Variants in PDLIM5 observed in about 807,000 individuals in gnomAD.
PDLIM5 encodes the protein PDZ and LIM domain protein 5.
Under a neutral mutation model 64.2 loss-of-function variants are expected in PDLIM5, and 34 were observed. The observed-to-expected ratio is 0.53, with a 90% CI of 0.40 to 0.71. The LOEUF is 0.71. PDLIM5 is among the 30% of genes least tolerant of loss of function. The probability of loss-of-function intolerance (pLI) is 0.00; values close to 1 mark genes in which losing one functional copy is unlikely to be tolerated. For synonymous variants in PDLIM5, 253 were observed against 269.1 expected, an observed-to-expected ratio of 0.94 and a Z score of 0.59; for missense variants, 683 against 733.6, an observed-to-expected ratio of 0.93 and a Z score of 0.80.
At chr4:94,545,309 T>C (rs1732211912) in intron 3 of PDLIM5, among the ~76,000 whole-genome samples, 1 of 152,256 alleles carries the variant, frequency 6.6e-6, no homozygotes, top group Admixed American at 6.5e-5. Flanking sequence ...AACTCTAATA[T>C]GTCAGCATCT....
chr4:94,630,550 T>G (rs1220465686), intron 8 of PDLIM5, among the ~76,000 whole-genome samples: 1 of 151,960 alleles, frequency 6.6e-6, no homozygotes, highest in Non-Finnish European at 1.5e-5. Flanking sequence ...ATTTTTGTAT[T>G]TTTTCATAGA....
At chr4:94,599,219 T>C (rs759365500) in intron 7 of PDLIM5, among the ~76,000 whole-genome samples, 2 of 152,204 alleles carry the variant, frequency 1.3e-5, no homozygotes, top group African/African-American at 2.4e-5. Flanking sequence ...GAGACTGTTA[T>C]GAGTATCCCC....
At chr4:94,603,508 G>T (rs1007774916) in intron 7 of PDLIM5, among the ~76,000 whole-genome samples, 1 of 152,076 alleles carries the variant, frequency 6.6e-6, no homozygotes, top group Non-Finnish European at 1.5e-5. Context: ...GGGAAAACTG[G>T]GACGTTGCCA....
intron 3 of PDLIM5, among the ~76,000 whole-genome samples, chr4:94,536,349 C>A (rs959647015): frequency 6.6e-6 from 1 of 152,088 alleles, no homozygotes; most frequent in Non-Finnish European, 1.5e-5. Flanking sequence ...ACATTGGATT[C>A]CACCAAGTTA....
chr4:94,663,037 C>T lies in PDLIM5; in HGVS notation c.1701+500C>T, dbSNP rs142862876. Among the ~76,000 whole-genome samples the T allele has an allele frequency of 2.9e-3, 443 of 152,102 alleles. 3 individuals carry two copies. Among genetic ancestry groups the T allele is most frequent in the African/African-American group, 0.01 (428 of 41,472 alleles). ...CCAATAAACGTGATAAAGTATTTGC[C>T]TATTCATTTGATATTTTAATATTTT... On this transcript the variant is annotated intron_variant, in intron 12 of 12. Transcript: ENST00000317968.
At chr4:94,615,351 G>C (rs1335824473) in intron 7 of PDLIM5, among the ~76,000 whole-genome samples, 3 of 152,168 alleles carry the variant, frequency 2.0e-5, no homozygotes, top group Non-Finnish European at 2.9e-5. Context: ...ATTAAAAAGA[G>C]TGTCTCTACT....
chr4:94,660,527 AATTT>A (rs1398855589), intron 11 of PDLIM5, among the ~76,000 whole-genome samples: 5 of 152,212 alleles, frequency 3.3e-5, no homozygotes, highest in African/African-American at 1.2e-4. Context: ...CATAATCTGA[AATTT>A]ATTTATTATC....
intron 10 of PDLIM5, 42 bp downstream of exon 10, chr4:94,654,682 T>C (rs775958003): frequency 6.2e-6 from 8 of 1,291,426 alleles, no homozygotes; most frequent in Non-Finnish European, 8.8e-6. Flanking sequence ...AGTTTTAAAG[T>C]AGAATAATTT....
intron 2 of PDLIM5, among the ~76,000 whole-genome samples, chr4:94,492,001 T>C (rs1042088367): frequency 6.6e-6 from 1 of 151,960 alleles, no homozygotes; most frequent in African/African-American, 2.4e-5. Context: ...TTATTTCTCC[T>C]GTCTGTCTGA....
At chr4:94,535,612 T>C (rs1348234426) in intron 3 of PDLIM5, among the ~76,000 whole-genome samples, 3 of 152,088 alleles carry the variant, frequency 2.0e-5, no homozygotes, top group Non-Finnish European at 4.4e-5. Flanking sequence ...AGACTAGGAA[T>C]AGAGTAGAGG....
chr4:94,493,598 A>G (rs1279652072), intron 2 of PDLIM5, among the ~76,000 whole-genome samples: 1 of 152,192 alleles, frequency 6.6e-6, no homozygotes, highest in East Asian at 1.9e-4. Context: ...AAAACTCTAT[A>G]CCATAAAGAT....
intron 7 of PDLIM5, chr4:94,587,215 T>A: frequency 1.4e-6 from 2 of 1,459,966 alleles, no homozygotes; most frequent in Non-Finnish European, 1.8e-6. Context: ...TTCTAACAAT[T>A]TCCTATTGTT....
chr4:94,458,234 G>C (rs1424474406), intron 2 of PDLIM5, among the ~76,000 whole-genome samples: 1 of 151,850 alleles, frequency 6.6e-6, no homozygotes, highest in Non-Finnish European at 1.5e-5. Flanking sequence ...AAAATTACTG[G>C]GATATTACTG....
At chr4:94,594,835 T>G (rs893689921) in intron 7 of PDLIM5, among the ~76,000 whole-genome samples, 3 of 152,186 alleles carry the variant, frequency 2.0e-5, no homozygotes, top group Admixed American at 2.0e-4. Context: ...TTTATCTCCC[T>G]TGCTTAAAGA....
At position 94,654,442 on chromosome 4, in the gene PDLIM5, C is replaced by G. The variant is rs1335884634; in HGVS notation, c.1284-18C>G. The G allele has an allele frequency of 6.4e-7, 1 of 1,561,754 alleles. No individual in the cohort carries two copies. The highest frequency in any genetic ancestry group is 1.7e-5 in the Admixed American group (1 of 58,606). Reference sequence around the variant, plus strand: ...AATTTTATTCTCAAACTTAGTTGGCCTCTTTTTCTTCTGTCAGAGGACCAT... The same window carrying G: ...AATTTTATTCTCAAACTTAGTTGGCGTCTTTTTCTTCTGTCAGAGGACCAT... On this transcript the variant is annotated intron_variant, in intron 9 of 12. Coordinates refer to ENST00000317968, the MANE Select transcript of PDLIM5 (RefSeq NM_006457.5).
intron 8 of PDLIM5, among the ~76,000 whole-genome samples, chr4:94,625,287 T>C (rs569489753): frequency 6.7e-6 from 1 of 150,250 alleles, no homozygotes; most frequent in Non-Finnish European, 1.5e-5. Context: ...AGTTGAGCCC[T>C]GTTTACTCTC....
intron 3 of PDLIM5, among the ~76,000 whole-genome samples, chr4:94,564,823 T>A (rs1443127661): frequency 6.6e-6 from 1 of 151,704 alleles, no homozygotes; most frequent in African/African-American, 2.4e-5. Context: ...GCCCAGCTAA[T>A]TTTTTTGTAT....
chr4:94,628,837 C>A (rs1386716048), intron 8 of PDLIM5, among the ~76,000 whole-genome samples: 1 of 152,100 alleles, frequency 6.6e-6, no homozygotes, highest in Non-Finnish European at 1.5e-5. Context: ...ATATTCTAAG[C>A]TTACAAAGTC....
intron 7 of PDLIM5, among the ~76,000 whole-genome samples, chr4:94,603,888 T>A (rs1268984564): frequency 6.6e-6 from 1 of 152,092 alleles, no homozygotes; most frequent in Non-Finnish European, 1.5e-5. Context: ...CACTGATAGA[T>A]TAAAAATATA....
Sources: gnomAD v4.1 joint callset for allele counts (sites outside exome capture counted in the v4.1 genomes callset) on GRCh38, gnomAD v4.1.1 for gene constraint, MANE v1.5 for transcripts, NCBI Gene and HGNC (gene_info 2026-07-23, HGNC 2026-07-21) for gene names.